ADGRV1: variants seen among roughly 807,000 people sequenced by gnomAD.
ADGRV1 encodes adhesion G protein-coupled receptor V1.
A neutral mutation model predicts 596.2 loss-of-function variants in ADGRV1; 359 were observed. The observed-to-expected ratio is 0.60, with a 90% CI of 0.55 to 0.66. The LOEUF (loss-of-function observed/expected upper bound fraction) is 0.66. Among genes scored for constraint, ADGRV1 ranks in the 30% least tolerant of loss-of-function variants. The probability of loss-of-function intolerance (pLI) is 0.00; values close to 1 mark genes in which losing one functional copy is unlikely to be tolerated. For synonymous variants in ADGRV1, 2,681 were observed against 2,679.2 expected, an observed-to-expected ratio of 1.00 and a Z score of -0.02; for missense variants, 7,274 against 7,575.6, an observed-to-expected ratio of 0.96 and a Z score of 1.48.
At chr5:90,951,337 T>C (rs1320402664) in intron 83 of ADGRV1, among the ~76,000 whole-genome samples, 1 of 152,200 alleles carries the variant, frequency 6.6e-6, no homozygotes, top group Non-Finnish European at 1.5e-5. Flanking sequence ...CTGTGGTCAT[T>C]TATTGAGGAA....
At chr5:90,661,737 A>G (rs1234269060) in intron 21 of ADGRV1, among the ~76,000 whole-genome samples, 1 of 152,148 alleles carries the variant, frequency 6.6e-6, no homozygotes, top group Non-Finnish European at 1.5e-5. Context: ...CTGTTTGGGG[A>G]TGGTTTGATG....
chr5:90,721,581 T>TAAATAAAATATAAA (rs1751027179), intron 45 of ADGRV1, among the ~76,000 whole-genome samples: 2 of 70,514 alleles, frequency 2.8e-5, no homozygotes, highest in Non-Finnish European at 5.8e-5. Context: ...TAAAATAAAA[T>TAAATAAAATATAAA]AAAATAAAAT....
At chr5:91,035,795 CA>C (rs1784809238) in intron 85 of ADGRV1, among the ~76,000 whole-genome samples, 1 of 139,548 alleles carries the variant, frequency 7.2e-6, no homozygotes, top group Non-Finnish European at 1.5e-5. Flanking sequence ...ATAATAATAA[CA>C]ATAATAATCT....
chr5:91,115,999 A>G (rs2126720368), intron 87 of ADGRV1, among the ~76,000 whole-genome samples: 1 of 152,274 alleles, frequency 6.6e-6, no homozygotes, highest in East Asian at 1.9e-4. Context: ...GGCAACTACA[A>G]CTAAAGGTAC....
chr5:90,841,548 T>A (rs1262790949), intron 78 of ADGRV1, among the ~76,000 whole-genome samples: 1 of 152,168 alleles, frequency 6.6e-6, no homozygotes, highest in African/African-American at 2.4e-5. Flanking sequence ...TAAACCTATT[T>A]ACTTACAACT....
At chr5:91,154,479 G>T (rs1028344917) in intron 89 of ADGRV1, among the ~76,000 whole-genome samples, 8 of 152,130 alleles carry the variant, frequency 5.3e-5, no homozygotes, top group African/African-American at 1.9e-4. Flanking sequence ...CCTTCCCAAG[G>T]TTACATAGTT....
intron 85 of ADGRV1, among the ~76,000 whole-genome samples, chr5:91,009,216 A>G (rs938813008): frequency 6.6e-6 from 1 of 152,192 alleles, no homozygotes; most frequent in Non-Finnish European, 1.5e-5. Flanking sequence ...GGGAGCAACT[A>G]TGACTTTCCA....
chr5:90,994,358 C>T (rs1242688576), intron 85 of ADGRV1, among the ~76,000 whole-genome samples: 7 of 152,102 alleles, frequency 4.6e-5, no homozygotes, highest in South Asian at 2.1e-4. Context: ...CTGCCATGCC[C>T]GGCCTAGTTA....
intron 45 of ADGRV1, among the ~76,000 whole-genome samples, chr5:90,722,600 G>A (rs535012801): frequency 6.6e-6 from 1 of 150,936 alleles, no homozygotes; most frequent in East Asian, 2.0e-4. Context: ...TATAATCCCA[G>A]CTACTTGGGA....
At chr5:90,981,611 G>A (rs1780083852) in intron 84 of ADGRV1, among the ~76,000 whole-genome samples, 4 of 152,182 alleles carry the variant, frequency 2.6e-5, no homozygotes, top group Non-Finnish European at 5.9e-5. Flanking sequence ...CCTGTGATGG[G>A]ATGACATCCT....
chr5:91,139,324 G>T (rs930389423), intron 87 of ADGRV1, among the ~76,000 whole-genome samples: 1 of 152,122 alleles, frequency 6.6e-6, no homozygotes, highest in Non-Finnish European at 1.5e-5. Context: ...CAGCATAAAA[G>T]ATTTAGAAGC....
At chr5:90,573,509 AAC>A (rs1451592109) in intron 1 of ADGRV1, among the ~76,000 whole-genome samples, 3 of 152,026 alleles carry the variant, frequency 2.0e-5, no homozygotes, top group Non-Finnish European at 2.9e-5. Flanking sequence ...AGGTAATTAT[AAC>A]ACCAAGGTAA....
chr5:90,747,773 G>A (rs1484102665), intron 52 of ADGRV1, among the ~76,000 whole-genome samples: 1 of 152,188 alleles, frequency 6.6e-6, no homozygotes, highest in Non-Finnish European at 1.5e-5. Flanking sequence ...AATAGTTCCA[G>A]AATGGTGGGA....
chr5:90,686,675 AC>A (rs1745697672), intron 29 of ADGRV1, among the ~76,000 whole-genome samples: 1 of 152,174 alleles, frequency 6.6e-6, no homozygotes, highest in African/African-American at 2.4e-5. Context: ...CAATAAACAT[AC>A]GTGTGCATGT....
intron 45 of ADGRV1, among the ~76,000 whole-genome samples, chr5:90,721,761 T>A (rs1751063587): frequency 6.6e-6 from 1 of 152,076 alleles, no homozygotes; most frequent in Admixed American, 6.6e-5. Context: ...TATAGGGGAA[T>A]GCTTTCAAGG....
At chr5:90,588,683 A>G (rs898885532) in intron 1 of ADGRV1, among the ~76,000 whole-genome samples, 1 of 152,236 alleles carries the variant, frequency 6.6e-6, no homozygotes, top group African/African-American at 2.4e-5. Context: ...TGACTCAAGA[A>G]GGAAGAACTG....
intron 79 of ADGRV1, among the ~76,000 whole-genome samples, chr5:90,851,354 A>C (rs1023374534): frequency 9.9e-5 from 15 of 152,142 alleles, no homozygotes; most frequent in Non-Finnish European, 5.9e-5. Context: ...TGGTAGAATT[A>C]ATATGAAGAT....
intron 23 of ADGRV1, among the ~76,000 whole-genome samples, chr5:90,675,032 T>C (rs1773021405): frequency 6.6e-6 from 1 of 152,186 alleles, no homozygotes; most frequent in Non-Finnish European, 1.5e-5. Context: ...ACTTGGAAAA[T>C]TAACAATTTA....
intron 67 of ADGRV1, among the ~76,000 whole-genome samples, chr5:90,787,203 G>T (rs1430703651): frequency 6.6e-6 from 1 of 152,174 alleles, no homozygotes; most frequent in Non-Finnish European, 1.5e-5. Flanking sequence ...GCAAAAACAA[G>T]TGCCCAATGT....
Sources: gnomAD v4.1 joint callset for allele counts (sites outside exome capture counted in the v4.1 genomes callset) on GRCh38, gnomAD v4.1.1 for gene constraint, MANE v1.5 for transcripts, NCBI Gene and HGNC (gene_info 2026-07-23, HGNC 2026-07-21) for gene names.